The following B3GALT1 variants were observed in gnomAD, a reference collection of about 807,000 sequenced individuals.
B3GALT1 encodes the protein UDP-Gal:betaGlcNAc beta 1,3-galactosyltransferase, polypeptide 1.
A neutral mutation model predicts 23.2 loss-of-function variants in B3GALT1; 10 were observed. The ratio of observed to expected loss-of-function variants is 0.43; its 90% CI spans 0.27 to 0.73. B3GALT1 has a LOEUF of 0.73. Among genes scored for constraint, B3GALT1 ranks in the 30% least tolerant of loss-of-function variants. The pLI is 0.21. For missense variants in B3GALT1, 299 were observed against 405.4 expected (o/e 0.74, Z 2.25); for synonymous variants, 156 against 141.5 (o/e 1.10, Z -0.73).
At chr2:167,793,460 T>A (rs1688481635) in intron 3 of B3GALT1, among the ~76,000 whole-genome samples, 1 of 152,196 alleles carries the variant, frequency 6.6e-6, no homozygotes, top group Non-Finnish European at 1.5e-5. Context: ...AACAAAATGC[T>A]GTTATTACTA....
At chr2:167,739,986 C>G (rs886868348) in intron 3 of B3GALT1, among the ~76,000 whole-genome samples, 1 of 150,676 alleles carries the variant, frequency 6.6e-6, no homozygotes, top group Middle Eastern at 3.4e-3. Flanking sequence ...GTAGACTCAG[C>G]TATTTGGGAG....
chr2:167,754,632 A>G (rs1178432772), intron 3 of B3GALT1, among the ~76,000 whole-genome samples: 1 of 152,146 alleles, frequency 6.6e-6, no homozygotes, highest in Non-Finnish European at 1.5e-5. Context: ...AAAAGATACA[A>G]AAGAATATAT....
chr2:167,778,106 C>T (rs1481319775), intron 3 of B3GALT1, among the ~76,000 whole-genome samples: 2 of 152,158 alleles, frequency 1.3e-5, no homozygotes, highest in African/African-American at 2.4e-5. Context: ...TCCATTTATT[C>T]AGTCCATATG....
intron 3 of B3GALT1, among the ~76,000 whole-genome samples, chr2:167,664,588 C>A (rs548744174): frequency 2.0e-5 from 3 of 152,234 alleles, no homozygotes; most frequent in Non-Finnish European, 4.4e-5. Context: ...TTCTTCCTAC[C>A]CATGAGCATG....
chr2:167,417,128 T>C lies in B3GALT1; in HGVS notation c.-510-73049T>C, dbSNP rs112141962. 5.3e-5 allele frequency among the ~76,000 whole-genome samples: 8 copies of C among 152,296 alleles called. 1 individual carries two copies. Among genetic ancestry groups the C allele is most frequent in the African/African-American group, 1.9e-4 (8 of 41,564 alleles). On this transcript the variant is annotated intron_variant, in intron 1 of 4. Transcript: ENST00000392690. ...GGTGGGATGCTATGGTTTGAATGTT[T>C]GTCCCCTTCAAAATTCATGTTGACA...
chr2:167,804,806 T>C (rs1023693418), intron 3 of B3GALT1, among the ~76,000 whole-genome samples: 1 of 152,208 alleles, frequency 6.6e-6, no homozygotes, highest in African/African-American at 2.4e-5. Context: ...TGTGTCTTTA[T>C]AGCAGCATGA....
chr2:167,774,485 G>GTTTTTTTT (rs767692581), intron 3 of B3GALT1, among the ~76,000 whole-genome samples: 1 of 105,178 alleles, frequency 9.5e-6, no homozygotes, highest in Non-Finnish European at 2.0e-5. Context: ...TTTTTTTTTT[G>GTTTTTTTT]TTTTTTTTTT....
intron 1 of B3GALT1, among the ~76,000 whole-genome samples, chr2:167,371,451 A>G (rs189191315): frequency 2.0e-5 from 3 of 152,310 alleles, no homozygotes; most frequent in Admixed American, 6.5e-5. Context: ...TCCACTTCAT[A>G]TATAATGAGA....
chr2:167,399,043 T>C (rs1364427808), intron 1 of B3GALT1, among the ~76,000 whole-genome samples: 2 of 152,204 alleles, frequency 1.3e-5, no homozygotes, highest in African/African-American at 4.8e-5. Context: ...CAAACTGCCA[T>C]GGCCATGTCT....
rs908716238 is a variant in B3GALT1 at position 167,429,371 on chromosome 2, T to A, written c.-510-60806T>A. Among the ~76,000 whole-genome samples the A allele has an allele frequency of 2.6e-5, 4 of 152,086 alleles. No homozygotes were observed. In the South Asian group the frequency reaches 8.3e-4, roughly 32 times the overall value. On this transcript the variant is annotated intron_variant, in intron 1 of 4. Coordinates refer to ENST00000392690, the MANE Select transcript of B3GALT1 (RefSeq NM_020981.4). ...TTGGAAAGTAGAATAAAGCCAAGGT[T>A]AACATTAGCATGCTAAAATTTATTA...
At chr2:167,804,761 A>C (rs2105344601) in intron 3 of B3GALT1, among the ~76,000 whole-genome samples, 1 of 152,220 alleles carries the variant, frequency 6.6e-6, no homozygotes, top group Admixed American at 6.5e-5. Context: ...AGTCTTTGCT[A>C]TTGTGAATAG....
chr2:167,328,541 G>C (rs1022643044), intron 1 of B3GALT1, among the ~76,000 whole-genome samples: 1 of 151,992 alleles, frequency 6.6e-6, no homozygotes, highest in Non-Finnish European at 1.5e-5. Context: ...TTGTATTTCT[G>C]TGGTATCAGT....
intron 3 of B3GALT1, among the ~76,000 whole-genome samples, chr2:167,798,228 G>A (rs7595155): frequency 0.18 from 27,098 of 152,180 alleles, 2,626 homozygotes; most frequent in East Asian, 0.3. Flanking sequence ...TTTCCATTCT[G>A]TAGGTTGTCT....
chr2:167,590,762 T>G (rs2105415540), intron 2 of B3GALT1, among the ~76,000 whole-genome samples: 1 of 152,170 alleles, frequency 6.6e-6, no homozygotes, highest in East Asian at 1.9e-4. Flanking sequence ...ATATGAAAAA[T>G]TAAAATGTTA....
chr2:167,523,371 A>G (rs1242445686), intron 2 of B3GALT1, among the ~76,000 whole-genome samples: 1 of 151,618 alleles, frequency 6.6e-6, no homozygotes, highest in Non-Finnish European at 1.5e-5. Context: ...ACACATTCCC[A>G]TCACCCATTT....
At chr2:167,386,861 A>G (rs1697936112) in intron 1 of B3GALT1, among the ~76,000 whole-genome samples, 1 of 152,210 alleles carries the variant, frequency 6.6e-6, no homozygotes, top group African/African-American at 2.4e-5. Context: ...TTCCCCAAAT[A>G]AAAGTAGCCC....
chr2:167,545,890 A>G (rs1186590617), intron 2 of B3GALT1, among the ~76,000 whole-genome samples: 2 of 152,248 alleles, frequency 1.3e-5, no homozygotes, highest in Non-Finnish European at 1.5e-5. Flanking sequence ...ATATTTGCAT[A>G]TACGTAATGA....
At chr2:167,470,278 A>G (rs1371378457) in intron 1 of B3GALT1, among the ~76,000 whole-genome samples, 1 of 152,210 alleles carries the variant, frequency 6.6e-6, no homozygotes, top group African/African-American at 2.4e-5. Flanking sequence ...CTGTCAGATC[A>G]TTCCAGAAAA....
intron 1 of B3GALT1, among the ~76,000 whole-genome samples, chr2:167,295,182 A>G (rs980531041): frequency 6.6e-6 from 1 of 152,152 alleles, no homozygotes; most frequent in Non-Finnish European, 1.5e-5. Context: ...CTGTAAATGG[A>G]TTTTTTTATT....
Sources: allele counts gnomAD v4.1 joint callset (sites outside exome capture counted in the v4.1 genomes callset), GRCh38; gene constraint gnomAD v4.1.1; transcripts MANE v1.5; gene names NCBI Gene and HGNC (gene_info 2026-07-23, HGNC 2026-07-21).